ARL15: variants seen among roughly 807,000 people sequenced by gnomAD.
ARL15 encodes the protein ARF like GTPase 15.
In ARL15, 19 loss-of-function variants were observed where a neutral mutation model predicts 25.2. The observed-to-expected ratio is 0.75, with a 90% CI of 0.53 to 1.10. The LOEUF is 1.10. Among genes scored for constraint, ARL15 ranks in the 50% least tolerant of loss-of-function variants. The probability of loss-of-function intolerance (pLI) is 0.00; values close to 1 mark genes in which losing one functional copy is unlikely to be tolerated. For synonymous variants in ARL15, 94 were observed against 86.8 expected (o/e 1.08, Z -0.46); for missense variants, 220 against 246.0 (o/e 0.89, Z 0.71).
At chr5:54,078,776 T>C (rs1177114808) in intron 4 of ARL15, among the ~76,000 whole-genome samples, 2 of 152,136 alleles carry the variant, frequency 1.3e-5, no homozygotes, top group African/African-American at 2.4e-5. Context: ...TAAATAAAAA[T>C]AATCACATAT....
intron 4 of ARL15, among the ~76,000 whole-genome samples, chr5:53,974,166 T>G (rs1226866240): frequency 6.6e-6 from 1 of 152,214 alleles, no homozygotes; most frequent in Non-Finnish European, 1.5e-5. Flanking sequence ...GCTACTGTCA[T>G]GTACCCACCT....
intron 4 of ARL15, among the ~76,000 whole-genome samples, chr5:53,907,457 CATATATAT>C (rs1174664612): frequency 0.016 from 381 of 23,828 alleles, 12 homozygotes; most frequent in African/African-American, 0.017. Context: ...CTTAAGAGTT[CATATATAT>C]ATATATATAT....
chr5:54,113,975 C>T (rs1184265076), intron 3 of ARL15, among the ~76,000 whole-genome samples: 1 of 152,050 alleles, frequency 6.6e-6, no homozygotes, highest in East Asian at 1.9e-4. Context: ...AAAATCATGG[C>T]CTTTGATACA....
intron 4 of ARL15, among the ~76,000 whole-genome samples, chr5:53,961,508 A>G (rs1360466030): frequency 6.6e-6 from 1 of 150,796 alleles, no homozygotes; most frequent in African/African-American, 2.4e-5. Flanking sequence ...AAAAAAAAAA[A>G]AAAAAAAAAA....
chr5:54,062,126 T>G (rs927814374), intron 4 of ARL15, among the ~76,000 whole-genome samples: 4 of 152,184 alleles, frequency 2.6e-5, no homozygotes, highest in African/African-American at 9.7e-5. Context: ...TTTCTCCCAT[T>G]TGGAATGGTT....
intron 3 of ARL15, among the ~76,000 whole-genome samples, chr5:54,138,791 C>T (rs1753681390): frequency 1.3e-5 from 2 of 151,984 alleles, no homozygotes; most frequent in Admixed American, 6.6e-5. Flanking sequence ...GACTAATATC[C>T]AGAATCTACA....
chr5:54,014,964 T>A (rs116006566), intron 4 of ARL15, among the ~76,000 whole-genome samples: 3,779 of 152,210 alleles, frequency 0.025, 62 homozygotes, highest in Non-Finnish European at 0.035. Context: ...AAGGGAAGGT[T>A]TTCCCTTTGC....
chr5:54,267,184 C>T (rs1203473630), intron 1 of ARL15, among the ~76,000 whole-genome samples: 1 of 152,162 alleles, frequency 6.6e-6, no homozygotes, highest in African/African-American at 2.4e-5. Flanking sequence ...CTCTGCCTCT[C>T]AGATTCAAGC....
At chr5:53,999,161 T>C (rs1748775678) in intron 4 of ARL15, among the ~76,000 whole-genome samples, 1 of 152,106 alleles carries the variant, frequency 6.6e-6, no homozygotes, top group Non-Finnish European at 1.5e-5. Flanking sequence ...TAAGTGTCTA[T>C]ACTCAAGGAA....
intron 4 of ARL15, among the ~76,000 whole-genome samples, chr5:54,069,784 C>T (rs1174309673): frequency 1.3e-5 from 2 of 151,690 alleles, no homozygotes; most frequent in Non-Finnish European, 2.9e-5. Flanking sequence ...AGCAATTCTC[C>T]TGCCTCCGTC....
chr5:53,943,829 C>A (rs575819655), intron 4 of ARL15, among the ~76,000 whole-genome samples: 1 of 152,098 alleles, frequency 6.6e-6, no homozygotes, highest in Admixed American at 6.5e-5. Flanking sequence ...GTCAAACCAG[C>A]GCTCAAAAGC....
At chr5:54,271,426 A>G (rs956964063) in intron 1 of ARL15, among the ~76,000 whole-genome samples, 1 of 152,192 alleles carries the variant, frequency 6.6e-6, no homozygotes, top group Non-Finnish European at 1.5e-5. Context: ...AATCATCTCT[A>G]GATAACTTAG....
intron 1 of ARL15, among the ~76,000 whole-genome samples, chr5:54,263,108 A>T (rs1757536476): frequency 6.6e-6 from 1 of 152,058 alleles, no homozygotes; most frequent in Non-Finnish European, 1.5e-5. Flanking sequence ...AATATTTTAG[A>T]GTTTTTTTCT....
At chr5:54,233,108 A>C (rs937454365) in intron 1 of ARL15, among the ~76,000 whole-genome samples, 1 of 152,226 alleles carries the variant, frequency 6.6e-6, no homozygotes, top group Non-Finnish European at 1.5e-5. Context: ...TGTGTTTTAC[A>C]TAAAAATGGC....
chr5:54,140,596 C>G (rs568515751), intron 3 of ARL15, among the ~76,000 whole-genome samples: 2 of 152,188 alleles, frequency 1.3e-5, no homozygotes, highest in East Asian at 3.9e-4. Flanking sequence ...AGTGGGAAAA[C>G]ATATTTATGT....
chr5:54,116,261 A>G (rs1318722091), intron 3 of ARL15, among the ~76,000 whole-genome samples: 4 of 152,102 alleles, frequency 2.6e-5, no homozygotes, highest in Non-Finnish European at 1.5e-5. Context: ...TACAGGTGTG[A>G]GTCATTAGCA....
intron 4 of ARL15, among the ~76,000 whole-genome samples, chr5:54,095,142 G>T (rs1181198017): frequency 6.6e-6 from 1 of 152,094 alleles, no homozygotes; most frequent in East Asian, 1.9e-4. Context: ...CATATGAGTT[G>T]ATCTAAAATC....
intron 4 of ARL15, among the ~76,000 whole-genome samples, chr5:53,903,442 C>T (rs1157907498): frequency 6.6e-6 from 1 of 152,054 alleles, no homozygotes; most frequent in Non-Finnish European, 1.5e-5. Context: ...TGGGTAGAGG[C>T]CAGGGAGATG....
chr5:53,912,732 T>C (rs1745505760), intron 4 of ARL15, among the ~76,000 whole-genome samples: 1 of 152,174 alleles, frequency 6.6e-6, no homozygotes, highest in South Asian at 2.1e-4. Context: ...GCTAGAGTAT[T>C]GTGGAACCCT....
Sources: gnomAD v4.1 joint callset for allele counts (sites outside exome capture counted in the v4.1 genomes callset) on GRCh38, gnomAD v4.1.1 for gene constraint, MANE v1.5 for transcripts, NCBI Gene and HGNC (gene_info 2026-07-23, HGNC 2026-07-21) for gene names.